Variants in DENND6A observed in about 807,000 individuals in gnomAD.
DENND6A encodes DENN domain containing 6A.
DENND6A carries 43 observed loss-of-function variants against 95.5 expected under a neutral mutation model. The observed-to-expected ratio is 0.45, with a 90% CI of 0.35 to 0.58. The LOEUF (loss-of-function observed/expected upper bound fraction) is 0.58. DENND6A is among the 20% of genes least tolerant of loss of function. DENND6A has a pLI of 0.00. For missense variants in DENND6A, 574 were observed against 736.0 expected, an observed-to-expected ratio of 0.78 and a Z score of 2.55; for synonymous variants, 257 against 260.4, an observed-to-expected ratio of 0.99 and a Z score of 0.13.
At chr3:57,689,035 A>G (rs2077237138) in intron 1 of DENND6A, among the ~76,000 whole-genome samples, 1 of 151,886 alleles carries the variant, frequency 6.6e-6, no homozygotes, top group Non-Finnish European at 1.5e-5. Flanking sequence ...TCTTACTGCA[A>G]CCTCCACCTC....
intron 1 of DENND6A, among the ~76,000 whole-genome samples, chr3:57,685,592 G>C (rs767071228): frequency 6.6e-5 from 10 of 152,096 alleles, no homozygotes; most frequent in Admixed American, 2.6e-4. Context: ...TGAATGTTTA[G>C]ATTAGGAACA....
intron 6 of DENND6A, among the ~76,000 whole-genome samples, 192 bp from the exon 7 acceptor site, chr3:57,661,031 T>G (rs984503994): frequency 6.6e-6 from 1 of 152,192 alleles, no homozygotes; most frequent in African/African-American, 2.4e-5. Flanking sequence ...ACACATGTTC[T>G]AGGATATAAA....
intron 1 of DENND6A, among the ~76,000 whole-genome samples, chr3:57,673,444 G>A (rs560972281): frequency 1.8e-4 from 28 of 152,050 alleles, no homozygotes; most frequent in African/African-American, 6.8e-4. Flanking sequence ...GTTTGAGAGG[G>A]GGGAATAAAG....
At chr3:57,690,344 AAAT>A (rs1353073876) in intron 1 of DENND6A, among the ~76,000 whole-genome samples, 1 of 152,126 alleles carries the variant, frequency 6.6e-6, no homozygotes, top group African/African-American at 2.4e-5. Flanking sequence ...TCTCTATTAA[AAAT>A]ACAAAAAATT....
intron 9 of DENND6A, among the ~76,000 whole-genome samples, chr3:57,652,064 T>A (rs2071221535): frequency 6.6e-6 from 1 of 151,978 alleles, no homozygotes; most frequent in South Asian, 2.1e-4. Flanking sequence ...TAAAAATAAA[T>A]AAATAAATAA....
intron 9 of DENND6A, among the ~76,000 whole-genome samples, chr3:57,652,662 G>C (rs534691596): frequency 5.9e-5 from 9 of 152,292 alleles, no homozygotes; most frequent in African/African-American, 2.2e-4. Flanking sequence ...TAACTTATCA[G>C]TGGAGAAGCT....
chr3:57,643,447 G>T (rs973685700), intron 11 of DENND6A, among the ~76,000 whole-genome samples: 1 of 152,158 alleles, frequency 6.6e-6, no homozygotes, highest in East Asian at 1.9e-4. Flanking sequence ...GGTTATATAG[G>T]TCTGGACCTC....
chr3:57,672,198 G>A (rs2071629155), intron 3 of DENND6A, 58 bp downstream of exon 3: 15 of 1,455,320 alleles, frequency 1.0e-5, no homozygotes, highest in Middle Eastern at 4.2e-4. Context: ...TACATTAACA[G>A]TATAACCAGT....
intron 1 of DENND6A, among the ~76,000 whole-genome samples, chr3:57,686,609 A>G (rs2077213602): frequency 6.6e-6 from 1 of 152,082 alleles, no homozygotes; most frequent in African/African-American, 2.4e-5. Context: ...AATATTTCAA[A>G]CTTTTTTGTT....
chr3:57,635,833 AT>A (rs886438774), intron 12 of DENND6A, among the ~76,000 whole-genome samples: 14 of 152,084 alleles, frequency 9.2e-5, no homozygotes, highest in African/African-American at 3.4e-4. Flanking sequence ...CTTATACATG[AT>A]TTTTTTTCCT....
At chr3:57,639,953 T>G (rs544419566) in intron 12 of DENND6A, among the ~76,000 whole-genome samples, 11 of 152,088 alleles carry the variant, frequency 7.2e-5, no homozygotes, top group Non-Finnish European at 1.2e-4. Context: ...TATATCTATG[T>G]ATAACAAAAG....
At chr3:57,654,909 G>GA (rs2071294026) in intron 9 of DENND6A, 1 of 532,256 alleles carries the variant, frequency 1.9e-6, no homozygotes, top group East Asian at 1.5e-4. Context: ...AAGCTCTACA[G>GA]AAACAAAAAG....
At chr3:57,640,834 T>C (rs543611417) in intron 12 of DENND6A, among the ~76,000 whole-genome samples, 103 of 152,260 alleles carry the variant, frequency 6.8e-4, no homozygotes, top group Non-Finnish European at 1.2e-3. Flanking sequence ...GCAAGACTCA[T>C]GTCCTTAATT....
chr3:57,633,433 A>G, intron 14 of DENND6A, 79 bp from the exon 15 acceptor site: 1 of 1,142,002 alleles, frequency 8.8e-7, no homozygotes, highest in Non-Finnish European at 1.3e-6. Context: ...TTCAATTGCT[A>G]TGTAAATATA....
chr3:57,642,535 T>G (rs2070969318), intron 11 of DENND6A, among the ~76,000 whole-genome samples: 1 of 151,622 alleles, frequency 6.6e-6, no homozygotes, highest in Admixed American at 6.6e-5. Flanking sequence ...CTACACAGAG[T>G]TTAGCATTCC....
rs1373190306 is a variant in DENND6A, at chr3:57,646,426, T to C, written c.831A>G (p.Pro277=). The part of the protein sequence containing the change: ...HEVDIFRCFC[P]VFLHSQMLWE... ...AGAGCATCTGACTATGAAGGAAAAC[T>C]GGGCAGAAACACCTGAAAGGTGATG... Residue 277 remains proline (P), a synonymous_variant, in exon 10 of 20, where the codon CCA becomes CCG. Transcript: ENST00000311128. The C allele has an allele frequency of 6.2e-7, 1 of 1,613,142 alleles. No individual in the cohort carries two copies. Among genetic ancestry groups the C allele is most frequent in the Admixed American group, 1.7e-5 (1 of 59,732 alleles).
chr3:57,653,940 A>ATT (rs2071266818), intron 9 of DENND6A, among the ~76,000 whole-genome samples: 3 of 105,848 alleles, frequency 2.8e-5, no homozygotes, highest in East Asian at 2.5e-4. Flanking sequence ...TTAGAAATTC[A>ATT]CTTTTTTTTT....
chr3:57,667,693 G>C (rs1482133542), intron 3 of DENND6A, among the ~76,000 whole-genome samples: 2 of 152,168 alleles, frequency 1.3e-5, no homozygotes, highest in Non-Finnish European at 2.9e-5. Flanking sequence ...TCTTGTTACT[G>C]TTCCATAACC....
chr3:57,644,522 G>A (rs1394573124), intron 11 of DENND6A, among the ~76,000 whole-genome samples: 1 of 150,658 alleles, frequency 6.6e-6, no homozygotes, highest in African/African-American at 2.4e-5. Flanking sequence ...TGCCCAGGCT[G>A]GTCTCTAACT....
Sources: allele counts gnomAD v4.1 joint callset (sites outside exome capture counted in the v4.1 genomes callset), GRCh38; gene constraint gnomAD v4.1.1; transcripts MANE v1.5; gene names NCBI Gene and HGNC (gene_info 2026-07-23, HGNC 2026-07-21).